CNTN4: variants seen among roughly 807,000 people sequenced by gnomAD.
The protein encoded by CNTN4 is contactin 4.
Under a neutral mutation model 122.5 loss-of-function variants are expected in CNTN4, and 77 were observed. That is an observed-to-expected ratio of 0.63 (90% CI 0.52 to 0.76). CNTN4 has a LOEUF of 0.76. Ranked by LOEUF, CNTN4 falls within the 30% of genes least tolerant of loss-of-function variation. The pLI is 0.00. For missense variants in CNTN4, 1,256 were observed against 1,259.1 expected (o/e 1.00, Z 0.04); for synonymous variants, 512 against 447.0 (o/e 1.15, Z -1.83).
intron 2 of CNTN4, among the ~76,000 whole-genome samples, chr3:2,163,968 A>T (rs1018134757): frequency 1.3e-5 from 2 of 152,138 alleles, no homozygotes; most frequent in African/African-American, 2.4e-5. Flanking sequence ...GAGAGAGCTA[A>T]GCTGTGAGGC....
At chr3:2,918,811 C>T (rs562715689) in intron 12 of CNTN4, among the ~76,000 whole-genome samples, 1 of 152,226 alleles carries the variant, frequency 6.6e-6, no homozygotes, top group African/African-American at 2.4e-5. Context: ...GATGTCATGT[C>T]CTGTACACAG....
At chr3:2,133,978 C>T (rs574716476) in intron 2 of CNTN4, among the ~76,000 whole-genome samples, 1 of 152,154 alleles carries the variant, frequency 6.6e-6, no homozygotes, top group South Asian at 2.1e-4. Context: ...TTTCATTTCT[C>T]TATTATGAAA....
intron 7 of CNTN4, among the ~76,000 whole-genome samples, chr3:2,840,505 C>G (rs989903574): frequency 7.4e-6 from 1 of 134,898 alleles, no homozygotes; most frequent in Non-Finnish European, 1.6e-5. Flanking sequence ...TCGAGACCAT[C>G]CTGGCTAACA....
intron 3 of CNTN4, among the ~76,000 whole-genome samples, chr3:2,564,413 G>A (rs570917590): frequency 1.1e-3 from 175 of 152,198 alleles, no homozygotes; most frequent in Middle Eastern, 6.8e-3. Flanking sequence ...AATTTTAATG[G>A]ATGGGAAGAT....
At chr3:2,205,892 T>G (rs1207968072) in intron 2 of CNTN4, among the ~76,000 whole-genome samples, 1 of 152,090 alleles carries the variant, frequency 6.6e-6, no homozygotes, top group African/African-American at 2.4e-5. Context: ...AATCACTGAA[T>G]CAGCAGTTCT....
intron 4 of CNTN4, among the ~76,000 whole-genome samples, chr3:2,657,480 A>G (rs934264029): frequency 2.6e-5 from 4 of 152,160 alleles, no homozygotes; most frequent in Admixed American, 2.0e-4. Context: ...TGAATTTAAG[A>G]TTAGTATTTA....
intron 4 of CNTN4, among the ~76,000 whole-genome samples, chr3:2,710,499 T>C (rs2087076283): frequency 6.6e-6 from 1 of 152,210 alleles, no homozygotes; most frequent in African/African-American, 2.4e-5. Context: ...GGTCTTTTGT[T>C]TTCCTGCATT....
At chr3:2,153,272 G>A (rs1574951225) in intron 2 of CNTN4, among the ~76,000 whole-genome samples, 1 of 152,170 alleles carries the variant, frequency 6.6e-6, no homozygotes, top group African/African-American at 2.4e-5. Flanking sequence ...GAGGGTGACC[G>A]AAGATTGCAT....
chr3:2,746,310 C>A (rs1367508793), intron 6 of CNTN4, among the ~76,000 whole-genome samples: 1 of 151,920 alleles, frequency 6.6e-6, no homozygotes, highest in African/African-American at 2.4e-5. Context: ...AACATGGAGA[C>A]AAAGTGTTAT....
intron 13 of CNTN4, among the ~76,000 whole-genome samples, chr3:2,958,686 G>A (rs1206110035): frequency 1.3e-5 from 2 of 152,146 alleles, no homozygotes; most frequent in Admixed American, 6.5e-5. Context: ...TGCAGGGCAG[G>A]CAGAAAGACT....
chr3:2,200,440 G>T (rs1324971652), intron 2 of CNTN4, among the ~76,000 whole-genome samples: 1 of 152,076 alleles, frequency 6.6e-6, no homozygotes, highest in Non-Finnish European at 1.5e-5. Flanking sequence ...GGCAATTTCT[G>T]GAGGCATTTT....
intron 12 of CNTN4, among the ~76,000 whole-genome samples, chr3:2,922,833 A>G (rs976900706): frequency 1.3e-5 from 2 of 151,942 alleles, no homozygotes; most frequent in African/African-American, 2.4e-5. Flanking sequence ...CTGGTCTCGA[A>G]CTCCTGGCCT....
At chr3:2,617,225 T>A (rs1052454510) in intron 4 of CNTN4, among the ~76,000 whole-genome samples, 1 of 151,566 alleles carries the variant, frequency 6.6e-6, no homozygotes, top group Non-Finnish European at 1.5e-5. Context: ...CGGGAGAAAA[T>A]TTTTGCAATC....
chr3:2,348,545 T>G (rs769692320), intron 3 of CNTN4, among the ~76,000 whole-genome samples: 4 of 152,230 alleles, frequency 2.6e-5, no homozygotes, highest in Non-Finnish European at 5.9e-5. Flanking sequence ...CTTCAGTTCC[T>G]CTGTTCCTTT....
chr3:2,340,704 T>TAGAG (rs1211078887), intron 3 of CNTN4, among the ~76,000 whole-genome samples: 1 of 17,822 alleles, frequency 5.6e-5, no homozygotes, highest in African/African-American at 1.0e-4. Context: ...TATATATATA[T>TAGAG]ATATATAGAG....
chr3:2,447,825 A>T (rs1467528673), intron 3 of CNTN4, among the ~76,000 whole-genome samples: 1 of 152,172 alleles, frequency 6.6e-6, no homozygotes, highest in Non-Finnish European at 1.5e-5. Flanking sequence ...AGTACTTCAA[A>T]TGCATTATCT....
At chr3:3,021,921 C>T (rs4085706) in intron 14 of CNTN4, among the ~76,000 whole-genome samples, 13,872 of 151,868 alleles carry the variant, frequency 0.091, 710 homozygotes, top group Admixed American at 0.11. Context: ...GTCTATAAAA[C>T]AAAGAAATAA....
At chr3:2,706,055 T>C (rs2086715732) in intron 4 of CNTN4, among the ~76,000 whole-genome samples, 1 of 146,036 alleles carries the variant, frequency 6.8e-6, no homozygotes, top group African/African-American at 2.5e-5. Context: ...CAAACATATA[T>C]ATATAGGCTT....
At chr3:2,228,133 A>G (rs2039354313) in intron 2 of CNTN4, among the ~76,000 whole-genome samples, 2 of 152,234 alleles carry the variant, frequency 1.3e-5, no homozygotes, top group African/African-American at 4.8e-5. Flanking sequence ...TTCAAAAATA[A>G]ATTGGCCAAA....
Sources: allele counts gnomAD v4.1 joint callset (sites outside exome capture counted in the v4.1 genomes callset), GRCh38; gene constraint gnomAD v4.1.1; transcripts MANE v1.5; gene names NCBI Gene and HGNC (gene_info 2026-07-23, HGNC 2026-07-21).